The following VTI1A variants were observed in gnomAD, a reference collection of about 807,000 sequenced individuals.
The protein encoded by VTI1A is vesicle transport through interaction with t-SNAREs 1A, also known as vesicle transport through interaction with t-SNAREs homolog 1A.
VTI1A carries 22 observed loss-of-function variants against 34.9 expected under a neutral mutation model. The ratio of observed to expected loss-of-function variants is 0.63; its 90% CI spans 0.45 to 0.90. The LOEUF is 0.90. VTI1A is among the 40% of genes least tolerant of loss of function. VTI1A has a pLI of 0.00. For missense variants in VTI1A, 268 were observed against 275.6 expected, an observed-to-expected ratio of 0.97 and a Z score of 0.20; for synonymous variants, 87 against 97.3, an observed-to-expected ratio of 0.89 and a Z score of 0.62.
At chr10:112,524,766 C>T (rs565743239) in intron 3 of VTI1A, among the ~76,000 whole-genome samples, 1 of 152,264 alleles carries the variant, frequency 6.6e-6, no homozygotes, top group East Asian at 1.9e-4. Context: ...AAAGCAATCT[C>T]CATATGATCC....
At chr10:112,618,373 A>G (rs76093255) in intron 5 of VTI1A, among the ~76,000 whole-genome samples, 1,824 of 150,756 alleles carry the variant, frequency 0.012, 43 homozygotes, top group African/African-American at 0.043. Flanking sequence ...CATCAACATC[A>G]TCATCATCAT....
At chr10:112,736,111 GTATATATATATATA>G (rs372188173) in intron 7 of VTI1A, among the ~76,000 whole-genome samples, 5 of 116,224 alleles carry the variant, frequency 4.3e-5, no homozygotes, top group African/African-American at 1.9e-4. Context: ...ATGTGTGTGT[GTATATATATATATA>G]TATATATATA....
intron 5 of VTI1A, among the ~76,000 whole-genome samples, chr10:112,604,817 G>A (rs192203133): frequency 1.1e-4 from 17 of 152,246 alleles, no homozygotes; most frequent in African/African-American, 4.1e-4. Flanking sequence ...ATTTCTTGGT[G>A]TACAGCGGTG....
At chr10:112,666,107 G>T (rs536626170) in intron 5 of VTI1A, among the ~76,000 whole-genome samples, 2 of 152,144 alleles carry the variant, frequency 1.3e-5, no homozygotes, top group South Asian at 4.1e-4. Context: ...TGCAAGAAAA[G>T]AAAAAAATTC....
chr10:112,735,528 C>T (rs1419130614), intron 7 of VTI1A, among the ~76,000 whole-genome samples: 1 of 152,220 alleles, frequency 6.6e-6, no homozygotes, highest in Non-Finnish European at 1.5e-5. Flanking sequence ...TCTGCTGAGG[C>T]ATTGTTTACA....
intron 3 of VTI1A, among the ~76,000 whole-genome samples, chr10:112,518,806 C>G (rs1164108530): frequency 6.6e-6 from 1 of 151,250 alleles, no homozygotes; most frequent in Non-Finnish European, 1.5e-5. Context: ...ATTGATGAAG[C>G]GAAACATCTG....
At chr10:112,675,939 A>T (rs915772645) in intron 7 of VTI1A, among the ~76,000 whole-genome samples, 2 of 152,172 alleles carry the variant, frequency 1.3e-5, no homozygotes, top group African/African-American at 4.8e-5. Flanking sequence ...AATAGTCTTT[A>T]CTATGGAAAT....
At chr10:112,853,251 C>T in the VTI1A span, among the ~76,000 whole-genome samples, 1 of 152,332 alleles carries the variant, frequency 6.6e-6, no homozygotes, top group South Asian at 2.1e-4. Flanking sequence ...TGAGCTCCTA[C>T]TACCTCCAAC....
At chr10:112,660,631 A>C (rs1185663052) in intron 5 of VTI1A, among the ~76,000 whole-genome samples, 2 of 152,362 alleles carry the variant, frequency 1.3e-5, no homozygotes, top group East Asian at 3.9e-4. Flanking sequence ...AACCACATGT[A>C]GGTACTGAGC....
intron 5 of VTI1A, among the ~76,000 whole-genome samples, chr10:112,553,069 G>C (rs1851421021): frequency 6.6e-6 from 1 of 152,154 alleles, no homozygotes; most frequent in Non-Finnish European, 1.5e-5. Flanking sequence ...TGTAAATTGG[G>C]ACTTTGTGTC....
chr10:112,502,274 T>C (rs1849271781), intron 3 of VTI1A, among the ~76,000 whole-genome samples: 1 of 151,932 alleles, frequency 6.6e-6, no homozygotes, highest in Non-Finnish European at 1.5e-5. Context: ...CCCAGGCAAA[T>C]CCTCCCACTT....
chr10:112,509,316 G>A (rs562305715), intron 3 of VTI1A, among the ~76,000 whole-genome samples: 7 of 152,214 alleles, frequency 4.6e-5, no homozygotes, highest in African/African-American at 1.7e-4. Context: ...GCCCAAATCC[G>A]AGGCCTTTCT....
chr10:112,615,537 T>C (rs185063822), intron 5 of VTI1A, among the ~76,000 whole-genome samples: 3 of 152,262 alleles, frequency 2.0e-5, no homozygotes, highest in Non-Finnish European at 4.4e-5. Flanking sequence ...GTGAACAAAA[T>C]AGACCTCCCT....
the VTI1A span, chr10:112,832,352 G>A: frequency 6.6e-6 from 1 of 151,054 alleles, no homozygotes; most frequent in South Asian, 2.1e-4. Flanking sequence ...CTGTTAGTGG[G>A]CTCTTAGTTA....
At chr10:112,811,798 T>G (rs1437017255) in intron 7 of VTI1A, among the ~76,000 whole-genome samples, 1 of 148,856 alleles carries the variant, frequency 6.7e-6, no homozygotes, top group Admixed American at 6.7e-5. Context: ...CCTGGGCTCC[T>G]CGAGCAAGAG....
intron 5 of VTI1A, among the ~76,000 whole-genome samples, chr10:112,656,929 C>T (rs756971278): frequency 3.9e-5 from 6 of 151,990 alleles, no homozygotes; most frequent in Non-Finnish European, 8.8e-5. Flanking sequence ...CTCATGATAG[C>T]GAGGGAGTTA....
At chr10:112,761,650 G>A (rs778191792) in intron 7 of VTI1A, among the ~76,000 whole-genome samples, 6 of 152,004 alleles carry the variant, frequency 3.9e-5, no homozygotes, top group Non-Finnish European at 8.8e-5. Flanking sequence ...AATCCTATAA[G>A]CTAGAAAAAT....
intron 3 of VTI1A, among the ~76,000 whole-genome samples, chr10:112,477,475 A>C (rs1848312579): frequency 1.3e-5 from 2 of 152,228 alleles, no homozygotes; most frequent in African/African-American, 4.8e-5. Flanking sequence ...GAAATGTCCA[A>C]ATTTTCTCAT....
chr10:112,634,063 A>G (rs1357752460), intron 5 of VTI1A: 1 of 152,476 alleles, frequency 6.6e-6, no homozygotes, highest in East Asian at 1.9e-4. Context: ...AAGATTGGCC[A>G]CTTTAAAAGT....
Sources: gnomAD v4.1 joint callset for allele counts (sites outside exome capture counted in the v4.1 genomes callset) on GRCh38, gnomAD v4.1.1 for gene constraint, MANE v1.5 for transcripts, NCBI Gene and HGNC (gene_info 2026-07-23, HGNC 2026-07-21) for gene names.